The following KIAA0825 variants were observed in gnomAD, a reference collection of about 807,000 sequenced individuals.
KIAA0825 encodes KIAA0825, also known as uncharacterized protein KIAA0825.
Under a neutral mutation model 147.6 loss-of-function variants are expected in KIAA0825, and 119 were observed. That is an observed-to-expected ratio of 0.81 (90% CI 0.69 to 0.94). KIAA0825 has a LOEUF of 0.94. Among genes scored for constraint, KIAA0825 ranks in the 40% least tolerant of loss-of-function variants. The pLI is 0.00. For missense variants in KIAA0825, 1,381 were observed against 1,472.7 expected, an observed-to-expected ratio of 0.94 and a Z score of 1.02; for synonymous variants, 470 against 518.1, an observed-to-expected ratio of 0.91 and a Z score of 1.26.
chr5:94,217,272 A>G (rs562986826), intron 20 of KIAA0825, among the ~76,000 whole-genome samples: 3 of 152,346 alleles, frequency 2.0e-5, no homozygotes, highest in Admixed American at 2.0e-4. Flanking sequence ...CTTTCCTTAA[A>G]ATAGAAATAA....
At chr5:94,392,952 A>C (rs930358028) in intron 17 of KIAA0825, among the ~76,000 whole-genome samples, 4 of 152,128 alleles carry the variant, frequency 2.6e-5, no homozygotes, top group African/African-American at 9.7e-5. Flanking sequence ...ATAAGTTTGC[A>C]GGTATCTTTT....
chr5:94,333,039 T>G (rs1781446459), intron 20 of KIAA0825, among the ~76,000 whole-genome samples: 2 of 152,248 alleles, frequency 1.3e-5, no homozygotes, highest in African/African-American at 4.8e-5. Context: ...GAAAAGCATC[T>G]GTTCATATCC....
chr5:94,306,273 C>T (rs1444244503), intron 20 of KIAA0825, among the ~76,000 whole-genome samples: 1 of 151,690 alleles, frequency 6.6e-6, no homozygotes, highest in Non-Finnish European at 1.5e-5. Flanking sequence ...TAATATTTTG[C>T]ATTACATTAC....
At chr5:94,458,663 A>C (rs191403967) in intron 12 of KIAA0825, among the ~76,000 whole-genome samples, 1 of 152,282 alleles carries the variant, frequency 6.6e-6, no homozygotes, top group African/African-American at 2.4e-5. Context: ...GGAAGGTGGA[A>C]AAAGGGAGTC....
chr5:94,536,819 C>G (rs1047374508), intron 3 of KIAA0825, among the ~76,000 whole-genome samples, 177 bp downstream of exon 3: 4 of 151,940 alleles, frequency 2.6e-5, no homozygotes, highest in African/African-American at 7.3e-5. Flanking sequence ...AAATACTACT[C>G]AGATAAAGAC....
intron 20 of KIAA0825, among the ~76,000 whole-genome samples, chr5:94,228,494 C>T (rs1774403843): frequency 6.6e-6 from 1 of 152,166 alleles, no homozygotes; most frequent in Non-Finnish European, 1.5e-5. Context: ...TCCTGTTCCT[C>T]CATTCTTAGT....
chr5:94,592,861 C>A, intron 1 of KIAA0825: 2 of 581,428 alleles, frequency 3.4e-6, no homozygotes, highest in East Asian at 3.9e-5. Context: ...GTTTCAATTT[C>A]GACTCATCAG....
chr5:94,415,527 T>G (rs371609898), intron 15 of KIAA0825: 93 of 152,178 alleles, frequency 6.1e-4, no homozygotes, highest in Middle Eastern at 6.8e-3. Flanking sequence ...TTTCAAAGAC[T>G]TAAATGGGAG....
chr5:94,270,953 C>T (rs1302204712), intron 20 of KIAA0825, among the ~76,000 whole-genome samples: 1 of 152,050 alleles, frequency 6.6e-6, no homozygotes, highest in Non-Finnish European at 1.5e-5. Flanking sequence ...CCAAACTCTG[C>T]ATTAATGGGT....
At chr5:94,601,555 T>C (rs1245592685) in intron 1 of KIAA0825, among the ~76,000 whole-genome samples, 1 of 152,118 alleles carries the variant, frequency 6.6e-6, no homozygotes, top group African/African-American at 2.4e-5. Context: ...GAGGCTGATA[T>C]GGCTGAACAG....
rs539776487 is a variant in KIAA0825, at chr5:94,408,328, AATTTTATTTT to A, written c.2663-4545_2663-4536del. Among the ~76,000 whole-genome samples the A allele has an allele frequency of 1.3e-3, 198 of 152,008 alleles. 1 individual carries two copies. The highest frequency in any genetic ancestry group is 2.2e-3 in the Non-Finnish European group (148 of 67,950). On this transcript the variant is annotated intron_variant, in intron 15 of 20. Transcript: ENST00000682413. ...TGCAATCAGAGTGAATCCTTTTTTA[AATTTTATTTT>A]ATTTTATTTTATTTATTTACTTATT... is the stretch of plus-strand genomic sequence containing the variant.
At chr5:94,267,186 G>T (rs768753516) in intron 20 of KIAA0825, among the ~76,000 whole-genome samples, 2 of 152,144 alleles carry the variant, frequency 1.3e-5, no homozygotes, top group African/African-American at 4.8e-5. Flanking sequence ...CAAATCAACC[G>T]AAGCTCAGTT....
At chr5:94,552,811 A>C (rs1775789783) in intron 2 of KIAA0825, among the ~76,000 whole-genome samples, 1 of 152,222 alleles carries the variant, frequency 6.6e-6, no homozygotes, top group South Asian at 2.1e-4. Flanking sequence ...ATGATAGCTA[A>C]AAAAGCTGAT....
At chr5:94,499,183 A>T (rs1027778769) in intron 5 of KIAA0825, among the ~76,000 whole-genome samples, 2 of 152,172 alleles carry the variant, frequency 1.3e-5, no homozygotes, top group African/African-American at 4.8e-5. Context: ...GAGCTACAGA[A>T]TCAGACATCA....
intron 14 of KIAA0825, among the ~76,000 whole-genome samples, chr5:94,437,784 C>T (rs1328527598): frequency 6.6e-6 from 1 of 152,140 alleles, no homozygotes. Context: ...CTGTGGGTTT[C>T]AAAGATCACA....
chr5:94,462,141 C>G (rs1234292633), intron 12 of KIAA0825, among the ~76,000 whole-genome samples: 2 of 151,820 alleles, frequency 1.3e-5, no homozygotes, highest in African/African-American at 2.4e-5. Context: ...TGTATTAGAA[C>G]TTTATCAGCT....
intron 20 of KIAA0825, among the ~76,000 whole-genome samples, chr5:94,292,605 G>C (rs1169225647): frequency 1.3e-5 from 2 of 152,092 alleles, no homozygotes; most frequent in Non-Finnish European, 2.9e-5. Flanking sequence ...GACAGGTTTT[G>C]GTATCAGGAT....
intron 12 of KIAA0825, among the ~76,000 whole-genome samples, chr5:94,456,791 T>G (rs890752882): frequency 2.6e-5 from 4 of 152,172 alleles, no homozygotes; most frequent in African/African-American, 9.6e-5. Flanking sequence ...TAACAACAGT[T>G]AGAAATCGTC....
At chr5:94,615,890 T>G (rs557858544) in intron 1 of KIAA0825, among the ~76,000 whole-genome samples, 23 of 152,192 alleles carry the variant, frequency 1.5e-4, no homozygotes, top group Non-Finnish European at 3.1e-4. Flanking sequence ...AGTATGATCA[T>G]AGTTCACTGT....
Sources: gnomAD v4.1 joint callset for allele counts (sites outside exome capture counted in the v4.1 genomes callset) on GRCh38, gnomAD v4.1.1 for gene constraint, MANE v1.5 for transcripts, NCBI Gene and HGNC (gene_info 2026-07-23, HGNC 2026-07-21) for gene names.